The following NEDD9 variants were observed in gnomAD, a reference collection of about 807,000 sequenced individuals.
NEDD9 encodes the protein enhancer of filamentation 1.
A neutral mutation model predicts 76.6 loss-of-function variants in NEDD9; 26 were observed. The ratio of observed to expected loss-of-function variants is 0.34; its 90% CI spans 0.25 to 0.47. NEDD9 has a LOEUF of 0.47. Among genes scored for constraint, NEDD9 ranks in the 20% least tolerant of loss-of-function variants. The probability of loss-of-function intolerance (pLI) is 1.00; values close to 1 mark genes in which losing one functional copy is unlikely to be tolerated. For synonymous variants in NEDD9, 392 were observed against 414.2 expected (o/e 0.95, Z 0.65); for missense variants, 937 against 1,058.5 (o/e 0.89, Z 1.59).
chr6:11,190,760 A>G lies in NEDD9; in HGVS notation c.1109T>C (p.Phe370Ser). The G allele has an allele frequency of 6.2e-7, 1 of 1,614,074 alleles. No homozygotes were observed. Among genetic ancestry groups the G allele is most frequent in the Non-Finnish European group, 8.5e-7 (1 of 1,180,004 alleles). ...DLVDGINRLSFSSTGSTRSNM... is the reference protein window; with the variant it reads ...DLVDGINRLSSSSTGSTRSNM... ...ACTCCGGGTGCTGCCTGTACTGGAGAAAGACAATCGGTTGATCCCATCCAC... is the reference window on the plus strand; with the variant it reads ...ACTCCGGGTGCTGCCTGTACTGGAGGAAGACAATCGGTTGATCCCATCCAC... Residue 370 changes from phenylalanine (F) to serine (S), a missense_variant, in exon 5 of 7, where the codon TTC (phenylalanine) becomes TCC (serine). Transcript: ENST00000379446. The surrounding 1 kb of genome is among the most constrained non-coding windows in gnomAD (Gnocchi z 5.8).
rs973616037 is a variant in NEDD9, at chr6:11,241,402, T to A, written c.13-27675A>T. ...CATGGCATGACATCATGTGATATGA[T>A]GCGACTTTGTAGCCCTCTTCCCCTC... On this transcript the variant is annotated intron_variant, in intron 3 of 3. Transcript: ENST00000397378. The surrounding 1 kb of genome is among the most constrained non-coding windows in gnomAD (Gnocchi z 4.0). 6.6e-6 allele frequency among the ~76,000 whole-genome samples: 1 copy of A among 152,202 alleles called. No individual in the cohort carries two copies. The highest frequency in any genetic ancestry group is 1.5e-5 in the Non-Finnish European group (1 of 68,026).
intron 2 of NEDD9, among the ~76,000 whole-genome samples, chr6:11,322,947 G>A (rs1459555521): frequency 6.6e-6 from 1 of 152,236 alleles, no homozygotes; most frequent in Non-Finnish European, 1.5e-5. Flanking sequence ...TCTTGGGCAA[G>A]TTACTTATTA....
At chr6:11,281,747 ATATTTT>A (rs1001326304) in intron 3 of NEDD9, among the ~76,000 whole-genome samples, 9 of 152,004 alleles carry the variant, frequency 5.9e-5, no homozygotes, top group African/African-American at 2.2e-4. Flanking sequence ...CTTTTTTTAT[ATATTTT>A]TATTTTTATT....
chr6:11,312,548 G>A (rs1761402772), intron 2 of NEDD9, among the ~76,000 whole-genome samples: 1 of 152,066 alleles, frequency 6.6e-6, no homozygotes, highest in African/African-American at 2.4e-5. Flanking sequence ...TGTAGCCAGA[G>A]CTGATGTCTC....
chr6:11,232,692 A>T (rs1759520736), upstream of NEDD9: 1 of 1,459,224 alleles, frequency 6.9e-7, no homozygotes, highest in South Asian at 1.4e-5. Context: ...TGACTGAGGC[A>T]GGCTGATCGC....
chr6:11,363,299 T>G (rs1254108151), intron 1 of NEDD9, among the ~76,000 whole-genome samples: 2 of 152,130 alleles, frequency 1.3e-5, no homozygotes, highest in African/African-American at 4.8e-5. Context: ...TTGGGAGAAG[T>G]AGGTGGGAGA....
rs1582012035 is a variant in NEDD9, at chr6:11,305,161, T to G, written c.12+831A>C. 4 of 1,287,672 alleles carry G rather than the reference T, an allele frequency of 3.1e-6. No individual in the cohort carries two copies. The East Asian group carries it at 1.7e-4, about 54-fold the overall frequency. 79.8% of individuals were successfully genotyped at this position (1,287,672 alleles called of 1,614,324 possible). On this transcript the variant is annotated intron_variant, in intron 3 of 3. Coordinates refer to the NEDD9 transcript ENST00000397378. ...TGTGTGCAGTTGATGGTTGATTCTC[T>G]GAGATACAGAAAACAGTTGATCGAT...
chr6:11,305,841 A>G, intron 3 of NEDD9: 1 of 904,476 alleles, frequency 1.1e-6, no homozygotes, highest in African/African-American at 1.6e-5. Flanking sequence ...AAAATCTGGC[A>G]GTCTAAACTT....
At chr6:11,331,310 G>A (rs1451201579) in intron 2 of NEDD9, among the ~76,000 whole-genome samples, 1 of 137,870 alleles carries the variant, frequency 7.3e-6, no homozygotes, top group Non-Finnish European at 1.5e-5. Flanking sequence ...GTAGGGCTGA[G>A]AGAATAGATA....
chr6:11,232,834 T>C (rs1216127077), upstream of NEDD9, among the ~76,000 whole-genome samples: 21 of 152,094 alleles, frequency 1.4e-4, no homozygotes, highest in Admixed American at 1.3e-3. Context: ...TATCAGACGG[T>C]GGAAAATAAA....
At chr6:11,359,821 T>C (rs905680228) in intron 1 of NEDD9, among the ~76,000 whole-genome samples, 2 of 152,236 alleles carry the variant, frequency 1.3e-5, no homozygotes, top group African/African-American at 4.8e-5. Context: ...AGGAGTTTAA[T>C]GTGTTGGTGT....
At position 11,355,369 on chromosome 6, in the gene NEDD9, C is replaced by A. The variant is rs1407120227; in HGVS notation, c.-213-20808G>T. 4.6e-5 allele frequency among the ~76,000 whole-genome samples: 7 copies of A among 151,936 alleles called. No homozygotes were observed. The East Asian group carries it at 1.4e-3, about 29-fold the overall frequency. ...AAAAATTTAAAAAAAAATTAAAAAC[C>A]AATAGTAATTTGAATTCTTCTTGCA... On this transcript the variant is annotated intron_variant, in intron 1 of 3. Transcript: ENST00000397378.
chr6:11,214,681 C>G (rs1263282461), intron 1 of NEDD9, among the ~76,000 whole-genome samples: 1 of 152,198 alleles, frequency 6.6e-6, no homozygotes, highest in African/African-American at 2.4e-5. Flanking sequence ...GATTTCATTT[C>G]TTGGCATTAG....
At chr6:11,312,691 AT>A (rs36007793) in intron 2 of NEDD9, among the ~76,000 whole-genome samples, 49,429 of 136,830 alleles carry the variant, frequency 0.36, 8,775 homozygotes, top group East Asian at 0.67. Context: ...TATTATATAT[AT>A]TATATATATA....
intron 3 of NEDD9, among the ~76,000 whole-genome samples, chr6:11,257,705 A>G (rs1036440577): frequency 6.6e-6 from 1 of 151,948 alleles, no homozygotes; most frequent in Middle Eastern, 3.2e-3. Flanking sequence ...AACTCTAAAC[A>G]AGATGAGGGC....
intron 1 of NEDD9, among the ~76,000 whole-genome samples, chr6:11,362,525 C>A (rs1180312628): frequency 6.6e-6 from 1 of 152,208 alleles, no homozygotes; most frequent in African/African-American, 2.4e-5. Flanking sequence ...ATGAGCTTCA[C>A]ATCTTATTTT....
At chr6:11,303,541 C>T (rs557053856) in intron 3 of NEDD9, among the ~76,000 whole-genome samples, 39 of 151,708 alleles carry the variant, frequency 2.6e-4, no homozygotes, top group African/African-American at 7.5e-4. Flanking sequence ...GGAGGCATCC[C>T]GCTACCTGAC....
intron 1 of NEDD9, among the ~76,000 whole-genome samples, chr6:11,371,521 A>T (rs1002672033): frequency 3.3e-5 from 5 of 152,216 alleles, no homozygotes; most frequent in African/African-American, 1.2e-4. Context: ...AGAATCATAC[A>T]ATATACAGCT....
chr6:11,323,952 G>A, intron 2 of NEDD9, among the ~76,000 whole-genome samples: 1 of 152,214 alleles, frequency 6.6e-6, no homozygotes, highest in East Asian at 1.9e-4. Context: ...CAGCGGGGAG[G>A]TTGCCTCACT....
Sources: allele counts gnomAD v4.1 joint callset (sites outside exome capture counted in the v4.1 genomes callset), GRCh38; gene constraint gnomAD v4.1.1; non-coding constraint Gnocchi (gnomAD v3.1); transcripts MANE v1.5; gene names NCBI Gene and HGNC (gene_info 2026-07-23, HGNC 2026-07-21).